Variants in KCNMA1 observed in about 807,000 individuals in gnomAD.
The protein encoded by KCNMA1 is potassium calcium-activated channel subfamily M alpha 1.
In KCNMA1, 29 loss-of-function variants were observed where a neutral mutation model predicts 140.0. The observed-to-expected ratio is 0.21, with a 90% CI of 0.15 to 0.28. The LOEUF (loss-of-function observed/expected upper bound fraction) is 0.28, where lower values mean the gene tolerates loss of function less well. Ranked by LOEUF, KCNMA1 falls within the 10% of genes least tolerant of loss-of-function variation. The pLI is 1.00. For synonymous variants in KCNMA1, 612 were observed against 611.9 expected (o/e 1.00, Z 0.00); for missense variants, 880 against 1,602.2 (o/e 0.55, Z 7.70).
At chr10:77,316,819 G>A (rs2081014449) in intron 2 of KCNMA1, among the ~76,000 whole-genome samples, 1 of 152,194 alleles carries the variant, frequency 6.6e-6, no homozygotes, top group African/African-American at 2.4e-5. Context: ...GGTGTGCTTG[G>A]TAGGTAGAAA....
chr10:77,517,400 C>T (rs936635640), intron 1 of KCNMA1, among the ~76,000 whole-genome samples: 1 of 152,214 alleles, frequency 6.6e-6, no homozygotes, highest in Non-Finnish European at 1.5e-5. Flanking sequence ...CTGTCCCTGG[C>T]TCCTAGTGAT....
At chr10:77,141,542 C>A (rs539678282) in intron 5 of KCNMA1, among the ~76,000 whole-genome samples, 1 of 152,318 alleles carries the variant, frequency 6.6e-6, no homozygotes, top group African/African-American at 2.4e-5. Flanking sequence ...AGAGCCCTCA[C>A]CAGAACCTGA....
chr10:77,248,683 C>G (rs1371565496), intron 3 of KCNMA1, among the ~76,000 whole-genome samples: 2 of 152,154 alleles, frequency 1.3e-5, no homozygotes, highest in East Asian at 3.9e-4. Context: ...TTCTCACTTT[C>G]TTTCCATTTG....
At chr10:77,240,525 G>T (rs2154228638) in intron 3 of KCNMA1, among the ~76,000 whole-genome samples, 1 of 152,330 alleles carries the variant, frequency 6.6e-6, no homozygotes, top group East Asian at 1.9e-4. Context: ...CAGAAAGAGA[G>T]ACAGTTTAGA....
Position 76,949,204 on chromosome 10 carries a change from T to C in KCNMA1, c.2647A>G (p.Ile883Val), listed in dbSNP as rs2065331989. 6.2e-7 allele frequency: 1 copy of C among 1,614,166 alleles called. No homozygotes were observed. Among genetic ancestry groups the C allele is most frequent in the South Asian group, 1.1e-5 (1 of 91,078 alleles). Residue 883 changes from isoleucine to valine, a missense_variant, in exon 22 of 28, where the codon ATT (isoleucine) becomes GTT (valine). Physicochemically the swap from Ile to Val is conservative, Grantham distance 29. Coordinates refer to ENST00000286628, the MANE Select transcript of KCNMA1 (RefSeq NM_001161352.2). ...TCCCATTCCCGCTTGAGGTACTCAA[T>C]AGAGCCCACAAACACAATGTGCTTG... ...ELKHIVFVGS[I>V]EYLKREWETL...
chr10:77,608,052 C>T (rs907588492), intron 1 of KCNMA1, among the ~76,000 whole-genome samples: 9 of 152,160 alleles, frequency 5.9e-5, no homozygotes, highest in African/African-American at 1.9e-4. Context: ...AAGTCCTCCC[C>T]GTCCTTCCAG....
chr10:77,281,192 C>T (rs2068469211), intron 2 of KCNMA1, among the ~76,000 whole-genome samples: 1 of 152,180 alleles, frequency 6.6e-6, no homozygotes, highest in Admixed American at 6.5e-5. Context: ...GACATGTTAA[C>T]TGGATCCAGG....
chr10:77,301,620 A>G (rs1007552962), intron 2 of KCNMA1, among the ~76,000 whole-genome samples: 12 of 152,052 alleles, frequency 7.9e-5, no homozygotes, highest in African/African-American at 2.9e-4. Flanking sequence ...AATCATACAC[A>G]TGACTCATTT....
At chr10:77,059,245 C>CT (rs2095652286) in intron 14 of KCNMA1, among the ~76,000 whole-genome samples, 2 of 151,730 alleles carry the variant, frequency 1.3e-5, no homozygotes, top group South Asian at 4.2e-4. Context: ...AGGCCCAAAC[C>CT]TAGTAGTATT....
intron 3 of KCNMA1, 58 bp from the exon 4 acceptor site, chr10:77,184,974 T>G: frequency 1.0e-6 from 1 of 982,084 alleles, no homozygotes; most frequent in Non-Finnish European, 1.7e-6. Context: ...TCATCCTGTC[T>G]CCCACGATGC....
intron 1 of KCNMA1, among the ~76,000 whole-genome samples, chr10:77,405,764 G>A (rs1243892240): frequency 1.3e-5 from 2 of 152,196 alleles, no homozygotes; most frequent in Non-Finnish European, 2.9e-5. Flanking sequence ...ATTGTGATTT[G>A]GAGTAAGGGG....
At chr10:77,633,487 G>C (rs1247976953) in intron 1 of KCNMA1, among the ~76,000 whole-genome samples, 1 of 152,120 alleles carries the variant, frequency 6.6e-6, no homozygotes, top group African/African-American at 2.4e-5. Context: ...ATCTGGTGCA[G>C]CCAATCCCCA....
At chr10:77,428,827 G>A (rs942850130) in intron 1 of KCNMA1, among the ~76,000 whole-genome samples, 2 of 152,196 alleles carry the variant, frequency 1.3e-5, no homozygotes, top group African/African-American at 4.8e-5. Flanking sequence ...ATCTCTAAGA[G>A]CCAGATAGTC....
intron 2 of KCNMA1, among the ~76,000 whole-genome samples, chr10:77,352,745 G>A (rs1400602124): frequency 3.9e-5 from 6 of 152,146 alleles, no homozygotes; most frequent in Admixed American, 3.9e-4. Context: ...AAAGTGACTG[G>A]AAGTTTTAAG....
intron 5 of KCNMA1, among the ~76,000 whole-genome samples, chr10:77,161,350 C>A (rs955643076): frequency 6.6e-6 from 1 of 152,014 alleles, no homozygotes; most frequent in African/African-American, 2.4e-5. Flanking sequence ...TTGCCTCAAG[C>A]GATCCTCCTG....
intron 1 of KCNMA1, among the ~76,000 whole-genome samples, chr10:77,623,998 C>T (rs188170215): frequency 2.6e-5 from 4 of 152,266 alleles, no homozygotes; most frequent in Admixed American, 1.3e-4. Flanking sequence ...TGGCTGCTTA[C>T]GGTTCAGGGG....
chr10:76,973,374 C>T (rs74560807), intron 19 of KCNMA1, among the ~76,000 whole-genome samples: 9,315 of 152,248 alleles, frequency 0.061, 406 homozygotes, highest in Non-Finnish European at 0.088. Flanking sequence ...CTTCCCAGCG[C>T]TCCCTTGTCT....
chr10:77,623,942 G>A (rs1018957390), intron 1 of KCNMA1, among the ~76,000 whole-genome samples: 14 of 152,160 alleles, frequency 9.2e-5, no homozygotes, highest in African/African-American at 3.4e-4. Flanking sequence ...TAATCGAATC[G>A]ATGTTATGTA....
intron 1 of KCNMA1, among the ~76,000 whole-genome samples, chr10:77,408,848 T>C (rs971688821): frequency 6.6e-6 from 1 of 152,058 alleles, no homozygotes; most frequent in African/African-American, 2.4e-5. Flanking sequence ...AACCCTGCCC[T>C]CTCTCCCCAC....
Sources: gnomAD v4.1 joint callset for allele counts (sites outside exome capture counted in the v4.1 genomes callset) on GRCh38, gnomAD v4.1.1 for gene constraint, MANE v1.5 for transcripts, NCBI Gene and HGNC (gene_info 2026-07-23, HGNC 2026-07-21) for gene names.